ZFP64: variants seen among roughly 807,000 people sequenced by gnomAD.
ZFP64 encodes the protein zinc finger protein 64.
Under a neutral mutation model 51.6 loss-of-function variants are expected in ZFP64, and 14 were observed. The ratio of observed to expected loss-of-function variants is 0.27; its 90% CI spans 0.18 to 0.42. ZFP64 has a LOEUF of 0.42. Among genes scored for constraint, ZFP64 ranks in the 10% least tolerant of loss-of-function variants. ZFP64 has a pLI of 1.00. For missense variants in ZFP64, 754 were observed against 906.8 expected (o/e 0.83, Z 2.16); for synonymous variants, 375 against 361.4 (o/e 1.04, Z -0.43).
chr20:52,156,887 T>A (rs1007846763), intron 5 of ZFP64, among the ~76,000 whole-genome samples: 14 of 152,264 alleles, frequency 9.2e-5, no homozygotes, highest in Admixed American at 3.3e-4. Flanking sequence ...GGCAGAACAG[T>A]GAAAGTGTTT....
In ZFP64 at chr20:52,085,043, C is replaced by T; in HGVS notation, c.1452G>A (p.Glu484=). ...GGTCGGCCTGGTGCAGCCGGCTGTGCTCCAGGAGGTCAGCCCGGTCCCGGC... is the reference window on the plus strand; with the variant it reads ...GGTCGGCCTGGTGCAGCCGGCTGTGTTCCAGGAGGTCAGCCCGGTCCCGGC... The change falls in exon 9 of 9, where the codon GAG becomes GAA. Residue 484 remains glutamate, a synonymous_variant. Transcript: ENST00000361387. This position sits in a 1 kb window ranked among gnomAD's most constrained non-coding sequence, Gnocchi z 4.3. The T allele has an allele frequency of 6.2e-7, 1 of 1,614,120 alleles. No individual in the cohort carries two copies. The highest frequency in any genetic ancestry group is 8.5e-7 in the Non-Finnish European group (1 of 1,179,984).
At chr20:52,103,631 G>A (rs563690114) in intron 5 of ZFP64, among the ~76,000 whole-genome samples, 1 of 152,258 alleles carries the variant, frequency 6.6e-6, no homozygotes, top group Admixed American at 6.5e-5. Context: ...CCAGCCTGGG[G>A]TTACTCAGCA....
downstream of ZFP64, chr20:52,151,150 G>T: frequency 2.7e-6 from 2 of 751,102 alleles, no homozygotes; most frequent in Non-Finnish European, 3.2e-6. Context: ...TGTGGAGGAG[G>T]TAAGATGATT....
chr20:52,150,716 C>A (rs1054039772), downstream of ZFP64, among the ~76,000 whole-genome samples: 1 of 152,166 alleles, frequency 6.6e-6, no homozygotes, highest in Non-Finnish European at 1.5e-5. Context: ...TCTAAATATG[C>A]TTCTGTCCCA....
intron 4 of ZFP64, among the ~76,000 whole-genome samples, chr20:52,161,292 T>C (rs541993942): frequency 6.6e-6 from 1 of 152,292 alleles, no homozygotes; most frequent in Admixed American, 6.5e-5. Flanking sequence ...GATGTATATT[T>C]TTCCAATCTC....
intron 5 of ZFP64, among the ~76,000 whole-genome samples, chr20:52,144,603 T>A (rs1274719696): frequency 5.0e-3 from 198 of 39,530 alleles, no homozygotes; most frequent in Middle Eastern, 0.019. Context: ...AAAAAAAAAA[T>A]GCTGAAAGCT....
intron 1 of ZFP64, among the ~76,000 whole-genome samples, chr20:52,188,874 G>A (rs1488628858): frequency 6.6e-6 from 1 of 151,862 alleles, no homozygotes; most frequent in Non-Finnish European, 1.5e-5. Context: ...TACTAGAGAG[G>A]CTGAGGCAAG....
At chr20:52,120,629 C>G (rs1236930913) in intron 5 of ZFP64, among the ~76,000 whole-genome samples, 4 of 139,480 alleles carry the variant, frequency 2.9e-5, no homozygotes, top group Admixed American at 1.4e-4. Flanking sequence ...ATATTTCAAA[C>G]TTTATCATTT....
intron 5 of ZFP64, chr20:52,110,944 T>C (rs1236866160): frequency 3.8e-6 from 6 of 1,560,094 alleles, no homozygotes; most frequent in Non-Finnish European, 5.3e-6. Flanking sequence ...GTAGCGGTAC[T>C]GGGTGTTGAA....
intron 5 of ZFP64, chr20:52,105,208 C>CT: frequency 7.0e-7 from 1 of 1,426,046 alleles, no homozygotes; most frequent in Non-Finnish European, 9.1e-7. Flanking sequence ...AGTTGAGGTG[C>CT]TGGGGCTTGG....
At chr20:52,187,480 G>T (rs1307073534) in intron 1 of ZFP64, among the ~76,000 whole-genome samples, 1 of 151,990 alleles carries the variant, frequency 6.6e-6, no homozygotes, top group Non-Finnish European at 1.5e-5. Context: ...AAATTAGCTG[G>T]GCATGGTGGT....
At chr20:52,097,839 TGGGA>T (rs1374263962) in intron 6 of ZFP64, among the ~76,000 whole-genome samples, 2 of 151,704 alleles carry the variant, frequency 1.3e-5, no homozygotes, top group Non-Finnish European at 2.9e-5. Flanking sequence ...GAGACCAAGG[TGGGA>T]GGATCACTGG....
At chr20:52,124,040 T>C (rs1045780951) in intron 5 of ZFP64, among the ~76,000 whole-genome samples, 3 of 152,038 alleles carry the variant, frequency 2.0e-5, no homozygotes, top group African/African-American at 7.3e-5. Flanking sequence ...TGACTAATTT[T>C]TTTGTATTTT....
chr20:52,189,763 C>T (rs746663990), intron 1 of ZFP64, among the ~76,000 whole-genome samples: 4 of 152,076 alleles, frequency 2.6e-5, no homozygotes, highest in African/African-American at 4.8e-5. Context: ...CGTGAGCCAC[C>T]GTGCCTGGCC....
At chr20:52,190,353 C>G (rs1047731004) in intron 1 of ZFP64, among the ~76,000 whole-genome samples, 2 of 152,144 alleles carry the variant, frequency 1.3e-5, no homozygotes, top group African/African-American at 4.8e-5. Context: ...GCAAAAGTAA[C>G]GACATAGACC....
At chr20:52,173,162 C>T (rs1475424806) in intron 2 of ZFP64, among the ~76,000 whole-genome samples, 1 of 152,116 alleles carries the variant, frequency 6.6e-6, no homozygotes, top group African/African-American at 2.4e-5. Flanking sequence ...TTTGCTTCCC[C>T]CTTCCCTTCT....
intron 7 of ZFP64, chr20:52,097,027 T>A: frequency 1.6e-6 from 1 of 630,882 alleles, no homozygotes. Context: ...GAGTTGCCCA[T>A]GGGCTGCAGT....
chr20:52,171,303 T>C (rs895744545), intron 2 of ZFP64, among the ~76,000 whole-genome samples: 2 of 152,180 alleles, frequency 1.3e-5, no homozygotes, highest in Non-Finnish European at 1.5e-5. Flanking sequence ...CCTTTGGTTG[T>C]TTGCATGTGA....
chr20:52,164,867 A>G (rs1982120989), intron 3 of ZFP64, 110 bp from the exon 4 acceptor site: 1 of 864,974 alleles, frequency 1.2e-6, no homozygotes, highest in Non-Finnish European at 1.9e-6. Flanking sequence ...ACACCACGGT[A>G]ATGGGAAAAA....
Sources: allele counts gnomAD v4.1 joint callset (sites outside exome capture counted in the v4.1 genomes callset), GRCh38; gene constraint gnomAD v4.1.1; non-coding constraint Gnocchi (gnomAD v3.1); transcripts MANE v1.5; gene names NCBI Gene and HGNC (gene_info 2026-07-23, HGNC 2026-07-21).